GRIK2: variants seen among roughly 807,000 people sequenced by gnomAD.
The protein encoded by GRIK2 is glutamate receptor ionotropic, kainate 2.
Under a neutral mutation model 100.3 loss-of-function variants are expected in GRIK2, and 32 were observed. That is an observed-to-expected ratio of 0.32 (90% CI 0.24 to 0.43). The LOEUF (loss-of-function observed/expected upper bound fraction) is 0.43. GRIK2 is among the 20% of genes least tolerant of loss of function. GRIK2 has a pLI of 1.00. For synonymous variants in GRIK2, 417 were observed against 389.4 expected, an observed-to-expected ratio of 1.07 and a Z score of -0.83; for missense variants, 843 against 1,114.9, an observed-to-expected ratio of 0.76 and a Z score of 3.47.
chr6:101,768,405 C>A (rs73761420), intron 7 of GRIK2, among the ~76,000 whole-genome samples: 8,454 of 152,174 alleles, frequency 0.056, 616 homozygotes, highest in African/African-American at 0.17. Flanking sequence ...GATATTACCA[C>A]CTTTTTCTAG....
chr6:101,476,334 T>C (rs2128258671), intron 2 of GRIK2, among the ~76,000 whole-genome samples: 1 of 152,236 alleles, frequency 6.6e-6, no homozygotes, highest in Non-Finnish European at 1.5e-5. Context: ...TTATTTTTAC[T>C]TTTATTTTTA....
chr6:101,816,705 A>T (rs1262610049), intron 9 of GRIK2, among the ~76,000 whole-genome samples: 1 of 151,970 alleles, frequency 6.6e-6, no homozygotes, highest in Admixed American at 6.6e-5. Context: ...TAGATAAATA[A>T]ATAAATTAAT....
chr6:102,061,633 C>A (rs959214404), intron 16 of GRIK2, among the ~76,000 whole-genome samples: 5 of 150,196 alleles, frequency 3.3e-5, no homozygotes, highest in East Asian at 1.9e-4. Flanking sequence ...CTTTGTTTAA[C>A]CTTAGATAAA....
intron 11 of GRIK2, among the ~76,000 whole-genome samples, chr6:101,878,199 G>C (rs1417167243): frequency 6.7e-6 from 1 of 149,986 alleles, no homozygotes; most frequent in East Asian, 1.9e-4. Flanking sequence ...CAAAATTTCT[G>C]ATATAAATGA....
At chr6:101,842,716 A>G (rs1156936868) in intron 10 of GRIK2, among the ~76,000 whole-genome samples, 1 of 152,224 alleles carries the variant, frequency 6.6e-6, no homozygotes, top group Admixed American at 6.5e-5. Context: ...ACTACTGATC[A>G]TTGAGGAATA....
Position 101,626,537 on chromosome 6 carries a change from C to T in GRIK2, c.441C>T (p.Val147=). The T allele has an allele frequency of 6.2e-7, 1 of 1,613,744 alleles. No individual in the cohort carries two copies. The highest frequency in any genetic ancestry group is 8.5e-7 in the Non-Finnish European group (1 of 1,179,658). ...CAGACAACAAAGATTCCTTCTATGTCAGTCTCTACCCAGACTTCTCTTCAC... is the reference window on the plus strand; with the variant it reads ...CAGACAACAAAGATTCCTTCTATGTTAGTCTCTACCCAGACTTCTCTTCAC... ...QVSDNKDSFY[V]SLYPDFSSLS... The change falls in exon 4 of 17, where the codon GTC becomes GTT. Residue 147 remains valine (V), a synonymous_variant. Transcript: ENST00000369134.
chr6:101,709,874 CTA>C (rs1349440773), intron 7 of GRIK2, among the ~76,000 whole-genome samples: 2 of 151,762 alleles, frequency 1.3e-5, no homozygotes, highest in African/African-American at 4.8e-5. Context: ...TCTACCATTT[CTA>C]TGAGATAGAA....
At chr6:101,807,114 A>G (rs1405848991) in intron 9 of GRIK2, among the ~76,000 whole-genome samples, 1 of 152,028 alleles carries the variant, frequency 6.6e-6, no homozygotes, top group African/African-American at 2.4e-5. Context: ...TGTCTGATGC[A>G]GAGTTATTTT....
At chr6:101,923,900 G>T (rs888566762) in intron 12 of GRIK2, among the ~76,000 whole-genome samples, 2 of 149,676 alleles carry the variant, frequency 1.3e-5, no homozygotes, top group East Asian at 3.9e-4. Context: ...ACTCCAGCCT[G>T]GGGGACAAAG....
chr6:101,433,132 AT>A (rs565029382), intron 2 of GRIK2, among the ~76,000 whole-genome samples: 2 of 151,980 alleles, frequency 1.3e-5, no homozygotes, highest in African/African-American at 4.8e-5. Flanking sequence ...ATCCCAAGAG[AT>A]TTTTTTTCTG....
At chr6:101,982,867 G>A (rs1311899397) in intron 14 of GRIK2, among the ~76,000 whole-genome samples, 1 of 151,606 alleles carries the variant, frequency 6.6e-6, no homozygotes, top group African/African-American at 2.4e-5. Context: ...CAGCATGGGA[G>A]CCAAACATGG....
chr6:101,927,821 A>G (rs1469418321), intron 13 of GRIK2: 2 of 152,600 alleles, frequency 1.3e-5, no homozygotes. Context: ...CCTTGCTTAT[A>G]CAGGAGAACA....
chr6:101,506,344 A>G (rs777110864), intron 2 of GRIK2, among the ~76,000 whole-genome samples: 1 of 152,194 alleles, frequency 6.6e-6, no homozygotes, highest in Non-Finnish European at 1.5e-5. Flanking sequence ...TCAAAAATCC[A>G]TATCCTCCTC....
chr6:101,492,193 T>C (rs988545051), intron 2 of GRIK2, among the ~76,000 whole-genome samples: 2 of 151,960 alleles, frequency 1.3e-5, no homozygotes, highest in African/African-American at 4.8e-5. Flanking sequence ...CTTTTACTTA[T>C]TAGTTTAAAC....
chr6:101,626,349 C>A, intron 3 of GRIK2, 31 bp from the exon 4 acceptor site: 1 of 1,590,374 alleles, frequency 6.3e-7, no homozygotes, highest in Non-Finnish European at 8.6e-7. Flanking sequence ...CCTCTCCTCT[C>A]ATTATTGACA....
At chr6:101,717,404 T>C (rs1774148783) in intron 7 of GRIK2, among the ~76,000 whole-genome samples, 1 of 151,876 alleles carries the variant, frequency 6.6e-6, no homozygotes, top group Admixed American at 6.6e-5. Context: ...GCTGACAATA[T>C]ATTTATCAAA....
intron 7 of GRIK2, among the ~76,000 whole-genome samples, chr6:101,744,012 G>A (rs1299185636): frequency 2.6e-5 from 4 of 151,580 alleles, no homozygotes; most frequent in East Asian, 3.9e-4. Flanking sequence ...GCATGATCTC[G>A]GCTCACTGAA....
chr6:102,007,072 G>T (rs1224100419), intron 14 of GRIK2, among the ~76,000 whole-genome samples: 2 of 152,032 alleles, frequency 1.3e-5, no homozygotes, highest in East Asian at 3.9e-4. Context: ...TGATACAATT[G>T]TAAACAAAAC....
chr6:102,063,758 TA>T (rs34730340), intron 16 of GRIK2, among the ~76,000 whole-genome samples: 41 of 144,516 alleles, frequency 2.8e-4, no homozygotes, highest in Admixed American at 6.9e-4. Context: ...TAGAGCTCTT[TA>T]AAAAAAAAAA....
Sources: gnomAD v4.1 joint callset for allele counts (sites outside exome capture counted in the v4.1 genomes callset) on GRCh38, gnomAD v4.1.1 for gene constraint, MANE v1.5 for transcripts, NCBI Gene and HGNC (gene_info 2026-07-23, HGNC 2026-07-21) for gene names.